EMB: variants seen among roughly 807,000 people sequenced by gnomAD.
EMB encodes the protein embigin, also known as embigin homolog.
A neutral mutation model predicts 41.4 loss-of-function variants in EMB; 31 were observed. The ratio of observed to expected loss-of-function variants is 0.75; its 90% CI spans 0.56 to 1.01. The LOEUF (loss-of-function observed/expected upper bound fraction) is 1.01, where lower values mean the gene tolerates loss of function less well. Among genes scored for constraint, EMB ranks in the 50% least tolerant of loss-of-function variants. The probability of loss-of-function intolerance (pLI) is 0.00; values close to 1 mark genes in which losing one functional copy is unlikely to be tolerated. For synonymous variants in EMB, 137 were observed against 140.4 expected, an observed-to-expected ratio of 0.98 and a Z score of 0.17; for missense variants, 379 against 388.3, an observed-to-expected ratio of 0.98 and a Z score of 0.20.
chr5:50,419,814 T>C (rs1579732941), intron 2 of EMB, among the ~76,000 whole-genome samples: 1 of 152,192 alleles, frequency 6.6e-6, no homozygotes, highest in Admixed American at 6.5e-5. Flanking sequence ...ATAAAGAAAA[T>C]GTGGTGCATA....
intron 2 of EMB, among the ~76,000 whole-genome samples, chr5:50,423,841 T>C (rs1419464940): frequency 6.6e-6 from 1 of 152,224 alleles, no homozygotes; most frequent in Non-Finnish European, 1.5e-5. Flanking sequence ...AAAAAAATTA[T>C]TTTTATTCAC....
chr5:50,412,560 C>T (rs563539811), intron 2 of EMB, among the ~76,000 whole-genome samples: 12 of 152,198 alleles, frequency 7.9e-5, no homozygotes, highest in Admixed American at 4.6e-4. Context: ...AAACTCATTT[C>T]GTTTTTCCAT....
chr5:50,405,994 T>G, intron 4 of EMB, 142 bp from the exon 5 acceptor site: 1 of 1,226,410 alleles, frequency 8.2e-7, no homozygotes, highest in Non-Finnish European at 1.1e-6. Flanking sequence ...AACTAATTTA[T>G]AGTAGTTAGG....
intron 4 of EMB, among the ~76,000 whole-genome samples, chr5:50,407,336 A>G (rs538580793): frequency 2.6e-5 from 4 of 151,686 alleles, no homozygotes; most frequent in East Asian, 1.9e-4. Context: ...CTTGGGAAGC[A>G]TAATGGAAGC....
intron 2 of EMB, among the ~76,000 whole-genome samples, chr5:50,422,150 A>G (rs1406307895): frequency 1.3e-5 from 2 of 152,238 alleles, no homozygotes; most frequent in East Asian, 1.9e-4. Flanking sequence ...TAACATGTTA[A>G]TTATGCCATA....
At chr5:50,406,298 A>G (rs1745247582) in intron 4 of EMB, among the ~76,000 whole-genome samples, 1 of 151,902 alleles carries the variant, frequency 6.6e-6, no homozygotes, top group African/African-American at 2.4e-5. Flanking sequence ...CTAATTTATG[A>G]AAAGCCAGCA....
At chr5:50,436,856 G>A (rs1745811914) in intron 1 of EMB, among the ~76,000 whole-genome samples, 1 of 152,148 alleles carries the variant, frequency 6.6e-6, no homozygotes, top group Non-Finnish European at 1.5e-5. Flanking sequence ...AGGGAACGAG[G>A]GTGACAGAAG....
At chr5:50,430,591 G>A (rs1260015546) in intron 1 of EMB, among the ~76,000 whole-genome samples, 1 of 56,676 alleles carries the variant, frequency 1.8e-5, no homozygotes, top group Non-Finnish European at 3.5e-5. Context: ...TAGGGGTTTG[G>A]GTCCATAATT....
Position 50,403,437 on chromosome 5 carries a change from T to C in EMB, c.618A>G (p.Gln206=), listed in dbSNP as rs749810318. Residue 206 remains glutamine, a synonymous_variant, in exon 6 of 9, where the codon CAA becomes CAG. Transcript: ENST00000303221. ...TTCCATTGATCACATATTTATTCAT[T>C]TGAACACCAACAGGAACCTAATATG... is the stretch of plus-strand genomic sequence containing the variant. ...NGSVKVPVGV[Q]MNKYVINGTY... 12 of 1,612,118 alleles carry C rather than the reference T, an allele frequency of 7.4e-6. No individual in the cohort carries two copies. The highest frequency in any genetic ancestry group is 1.0e-5 in the Non-Finnish European group (12 of 1,178,840).
At chr5:50,400,108 G>T (rs370374680) in intron 7 of EMB, among the ~76,000 whole-genome samples, 195 bp from the exon 8 acceptor site, 2 of 151,996 alleles carry the variant, frequency 1.3e-5, no homozygotes, top group African/African-American at 4.8e-5. Flanking sequence ...TACCACAAAT[G>T]ATAGTGACAA....
chr5:50,403,043 A>G lies in EMB; in HGVS notation c.877+135T>C, dbSNP rs1745190273. 9.0e-6 allele frequency: 7 copies of G among 773,822 alleles called. No homozygotes were observed. In the South Asian group the frequency reaches 1.4e-4, roughly 16 times the overall value. The allele number at this position is 773,822 out of a possible 1,614,324, so 47.9% of individuals were successfully genotyped here. On this transcript the variant is annotated intron_variant, in intron 6 of 8. Transcript: ENST00000303221. Reference sequence around the variant, plus strand: ...ACCTAAATACTGCTCCAAATAAGAAAATGAAGATTTTCCCCAAAAATCCTA... The same window carrying G: ...ACCTAAATACTGCTCCAAATAAGAAGATGAAGATTTTCCCCAAAAATCCTA...
upstream of EMB, chr5:50,443,062 C>G (rs539645697): frequency 3.9e-5 from 6 of 152,262 alleles, 1 homozygote; most frequent in African/African-American, 1.4e-4. Context: ...CATCACTGTT[C>G]CTGTTCTATA....
At chr5:50,425,303 C>T (rs140340083) in intron 2 of EMB, among the ~76,000 whole-genome samples, 130 of 152,190 alleles carry the variant, frequency 8.5e-4, no homozygotes, top group Middle Eastern at 3.4e-3. Context: ...ATCTCCTTGG[C>T]TCACAAGGAC....
At chr5:50,441,774 G>A (rs1013841904), upstream of EMB, among the ~76,000 whole-genome samples, 1 of 152,072 alleles carries the variant, frequency 6.6e-6, no homozygotes, top group Non-Finnish European at 1.5e-5. Flanking sequence ...GATTTTCTCC[G>A]GATGAAGGTT....
intron 1 of EMB, among the ~76,000 whole-genome samples, chr5:50,438,900 T>C (rs1461204074): frequency 2.7e-5 from 4 of 149,984 alleles, no homozygotes; most frequent in Non-Finnish European, 3.0e-5. Flanking sequence ...ATTTGTTTCC[T>C]ACCTTTTTTT....
At chr5:50,423,052 G>C (rs1195746807) in intron 2 of EMB, among the ~76,000 whole-genome samples, 9 of 150,202 alleles carry the variant, frequency 6.0e-5, no homozygotes, top group Non-Finnish European at 1.3e-4. Flanking sequence ...GGGTCCATTA[G>C]GAAAAAAATG....
At position 50,441,220 on chromosome 5, in the gene EMB, G is replaced by T; in HGVS notation, c.-69C>A. The T allele has an allele frequency of 2.0e-6, 2 of 989,708 alleles. No homozygotes were observed. The highest frequency in any genetic ancestry group is 2.7e-6 in the Non-Finnish European group (2 of 745,184). The allele number at this position is 989,708 out of a possible 1,614,324, so 61.3% of individuals were successfully genotyped here. On this transcript the variant is annotated 5_prime_UTR_variant, in exon 1 of 9. Coordinates refer to ENST00000303221, the MANE Select transcript of EMB (RefSeq NM_198449.3). Reference sequence around the variant, plus strand: ...CAGCTCGCCGCCGCGGGTGTCCAGAGTCCCTGCGCACACTCGCAGGTGGCC... The same window carrying T: ...CAGCTCGCCGCCGCGGGTGTCCAGATTCCCTGCGCACACTCGCAGGTGGCC...
chr5:50,403,620 A>C (rs1745203116), intron 5 of EMB, among the ~76,000 whole-genome samples, 166 bp from the exon 6 acceptor site: 1 of 151,956 alleles, frequency 6.6e-6, no homozygotes. Flanking sequence ...GTCTTATCAG[A>C]GTTTGATCTC....
intron 5 of EMB, among the ~76,000 whole-genome samples, chr5:50,404,747 C>A (rs1446542245): frequency 6.6e-6 from 1 of 151,920 alleles, no homozygotes; most frequent in African/African-American, 2.4e-5. Context: ...CTTTCCTCAT[C>A]ATCCATCAGA....
Sources: allele counts gnomAD v4.1 joint callset (sites outside exome capture counted in the v4.1 genomes callset), GRCh38; gene constraint gnomAD v4.1.1; transcripts MANE v1.5; gene names NCBI Gene and HGNC (gene_info 2026-07-23, HGNC 2026-07-21).